The following TCEA2 variants were observed in gnomAD, a reference collection of about 807,000 sequenced individuals.
TCEA2 encodes the protein transcription elongation factor A protein 2.
TCEA2 carries 21 observed loss-of-function variants against 40.8 expected under a neutral mutation model. The observed-to-expected ratio is 0.51, with a 90% confidence interval of 0.36 to 0.74. The LOEUF is 0.74. Ranked by LOEUF, TCEA2 falls within the 30% of genes least tolerant of loss-of-function variation. TCEA2 has a pLI of 0.00. For missense variants in TCEA2, 326 were observed against 426.5 expected (o/e 0.76, Z 2.08); for synonymous variants, 165 against 162.7 (o/e 1.01, Z -0.11).
intron 8 of TCEA2, among the ~76,000 whole-genome samples, chr20:64,071,382 G>A (rs1425538889): frequency 1.3e-5 from 2 of 151,946 alleles, no homozygotes; most frequent in Non-Finnish European, 2.9e-5. Context: ...GTGTCGAGGC[G>A]GCCGCTGCAC....
Position 64,070,225 on chromosome 20 carries a change from C to T in TCEA2, c.518-35C>T. The T allele has an allele frequency of 3.1e-6, 5 of 1,609,494 alleles. No homozygotes were observed. The South Asian group carries it at 3.3e-5, about 11-fold the overall frequency. On this transcript the variant is annotated intron_variant, in intron 6 of 9. Coordinates refer to ENST00000343484, the MANE Select transcript of TCEA2 (RefSeq NM_003195.6). Reference sequence around the variant, plus strand: ...GCAGGTGGTAGGTGGAGGGCAGCGACGTTGTCCTCAGGTGGGTCCTTAAAA... The same window carrying T: ...GCAGGTGGTAGGTGGAGGGCAGCGATGTTGTCCTCAGGTGGGTCCTTAAAA...
chr20:64,067,406 G>A (rs1243126295), intron 3 of TCEA2, among the ~76,000 whole-genome samples: 1 of 152,194 alleles, frequency 6.6e-6, no homozygotes, highest in Non-Finnish European at 1.5e-5. Context: ...GGAAGCGGGA[G>A]GGAGAAGGCA....
chr20:64,072,101 C>G lies in TCEA2; in HGVS notation c.892-71C>G. 2.5e-6 allele frequency: 4 copies of G among 1,604,898 alleles called. No individual in the cohort carries two copies. In the South Asian group the frequency reaches 3.3e-5, roughly 13 times the overall value. On this transcript the variant is annotated intron_variant, in intron 9 of 9. Coordinates refer to ENST00000343484, the MANE Select transcript of TCEA2 (RefSeq NM_003195.6). ...GGTGGAGAGCCCAGCCTTGGGTGAG[C>G]CTGTGCGGCCTTCCACTCTGGGGGA...
Position 64,072,291 on chromosome 20 carries a change from G to C in TCEA2, c.*111G>C. The C allele has an allele frequency of 8.3e-7, 1 of 1,200,154 alleles. No individual in the cohort carries two copies. The highest frequency in any genetic ancestry group is 1.2e-6 in the Non-Finnish European group (1 of 838,002). 74.3% of individuals were successfully genotyped at this position (1,200,154 alleles called of 1,614,324 possible). A position where few individuals can be genotyped will look rare whatever the true frequency, so the allele number is the denominator to read the frequency against. On this transcript the variant is annotated 3_prime_UTR_variant, in exon 10 of 10. Transcript: ENST00000343484. ...GGCATGTCCTGCCCTCAACCTGCCT[G>C]CCTGGATTGCACCTTTCTGCCCTTT...
upstream of TCEA2, among the ~76,000 whole-genome samples, chr20:64,061,476 C>G (rs538035069): frequency 6.6e-6 from 1 of 152,138 alleles, no homozygotes; most frequent in Non-Finnish European, 1.5e-5. Context: ...GGGGTTTCAC[C>G]GTGTTAGCCA....
intron 1 of TCEA2, 32 bp from the exon 2 acceptor site, chr20:64,066,444 G>A (rs1392216840): frequency 1.9e-6 from 3 of 1,610,872 alleles, no homozygotes; most frequent in South Asian, 2.2e-5. Flanking sequence ...GAGATCTAAA[G>A]TCCTTTATGA....
upstream of TCEA2, chr20:64,063,046 T>C (rs1048763812): frequency 1.2e-5 from 3 of 242,102 alleles, no homozygotes; most frequent in African/African-American, 6.8e-5. Flanking sequence ...AGGACTACAC[T>C]TCCCAGGAGG....
intron 1 of TCEA2, among the ~76,000 whole-genome samples, chr20:64,065,376 G>A (rs886757140): frequency 6.6e-6 from 1 of 152,230 alleles, no homozygotes; most frequent in South Asian, 2.1e-4. Context: ...CCTGTGGGTC[G>A]TGGGACTCTG....
At chr20:64,057,221 G>C (rs973062312), upstream of TCEA2, 1 of 152,264 alleles carries the variant, frequency 6.6e-6, no homozygotes, top group Admixed American at 6.5e-5. Flanking sequence ...GTGAGTGAAC[G>C]TCCCTCTCCT....
chr20:64,055,904 C>A (rs2059468355), upstream of TCEA2, among the ~76,000 whole-genome samples: 1 of 152,084 alleles, frequency 6.6e-6, no homozygotes, highest in African/African-American at 2.4e-5. The surrounding 1 kb of genome is among the most constrained non-coding windows in gnomAD (Gnocchi z 4.0). Context: ...CTCAGGGAAC[C>A]CTGGTTTTGC....
At chr20:64,069,613 G>A in intron 5 of TCEA2, 122 bp downstream of exon 5, 1 of 1,538,974 alleles carries the variant, frequency 6.5e-7, no homozygotes, top group South Asian at 1.2e-5. Flanking sequence ...CCATTGCTGT[G>A]GCCCTGGCAG....
At chr20:64,066,155 T>G in intron 1 of TCEA2, 1 of 243,056 alleles carries the variant, frequency 4.1e-6, no homozygotes. Flanking sequence ...GGCATTTCTG[T>G]TCTGGTTTGG....
upstream of TCEA2, among the ~76,000 whole-genome samples, chr20:64,059,470 C>T (rs1316434295): frequency 6.6e-6 from 1 of 152,172 alleles, no homozygotes; most frequent in Non-Finnish European, 1.5e-5. Context: ...GACCACATCC[C>T]TCTCCCTCCC....
rs201101309 is a variant in TCEA2 at position 64,070,587 on chromosome 20, C to T, written c.771C>T (p.Asp257=). 1.9e-6 allele frequency: 3 copies of T among 1,613,140 alleles called. No homozygotes were observed. Among genetic ancestry groups the T allele is most frequent in the Non-Finnish European group, 2.5e-6 (3 of 1,179,722 alleles). ...CCCGCACTGGCGGCACGCAGACAGA[C>T]CTGTTCACCTGCGGCAAGTGCAGGA... ...QMARTGGTQT[D]LFTCGKCRKK... is the part of the protein sequence containing the mutation. Residue 257 remains aspartate (D), a synonymous_variant, in exon 8 of 10, where the codon GAC becomes GAT. Coordinates refer to ENST00000343484, the MANE Select transcript of TCEA2 (RefSeq NM_003195.6).
Position 64,070,355 on chromosome 20 carries a change from C to A in TCEA2, c.613C>A (p.Arg205=), listed in dbSNP as rs371883526. 2.0e-5 allele frequency: 32 copies of A among 1,614,214 alleles called. No individual in the cohort carries two copies. Among genetic ancestry groups the A allele is most frequent in the Non-Finnish European group, 2.3e-5 (27 of 1,180,036 alleles). ...GAAGGATGCCAAGAACCCTGACCTG[C>A]GGCGGAATGTGCTGTGTGGGGCCAT... is the stretch of plus-strand genomic sequence containing the variant. ...NLKDAKNPDL[R]RNVLCGAITP... Residue 205 remains arginine, a synonymous_variant, in exon 7 of 10, where the codon CGG becomes AGG. Coordinates refer to ENST00000343484, the MANE Select transcript of TCEA2 (RefSeq NM_003195.6).
At chr20:64,066,883 G>A (rs2059706359) in intron 2 of TCEA2, 32 bp from the exon 3 acceptor site, 2 of 1,604,290 alleles carry the variant, frequency 1.2e-6, no homozygotes, top group East Asian at 2.2e-5. Context: ...GTGGGCCCCT[G>A]CCTCCCCCAA....
rs529128382 is a variant in TCEA2 at position 64,068,860 on chromosome 20, G to A, written c.330-501G>A. 2.6e-5 allele frequency among the ~76,000 whole-genome samples: 4 copies of A among 152,256 alleles called. No homozygotes were observed. The East Asian group carries it at 7.7e-4, about 29-fold the overall frequency. On this transcript the variant is annotated intron_variant, in intron 4 of 9. Transcript: ENST00000343484. ...CTGAGGGGCATCCTTCTCCCATTCTGTACGTGCCCAGGGGTGTCGTCTGTG... is the reference window on the plus strand; with the variant it reads ...CTGAGGGGCATCCTTCTCCCATTCTATACGTGCCCAGGGGTGTCGTCTGTG...
At chr20:64,061,367 C>T (rs2059562362), upstream of TCEA2, among the ~76,000 whole-genome samples, 1 of 152,042 alleles carries the variant, frequency 6.6e-6, no homozygotes, top group African/African-American at 2.4e-5. Flanking sequence ...GCTCCGCCTC[C>T]TGGGTTCATG....
At position 64,069,621 on chromosome 20, in the gene TCEA2, CAGGG is replaced by C. The variant is rs1256021443; in HGVS notation, c.460+131_460+134del. The C allele has an allele frequency of 3.3e-6, 5 of 1,533,922 alleles. No individual in the cohort carries two copies. In the African/African-American group the frequency reaches 6.8e-5, roughly 21 times the overall value. On this transcript the variant is annotated intron_variant, in intron 5 of 9. Transcript: ENST00000343484. ...CCCCAGCCCATTGCTGTGGCCCTGG[CAGGG>C]GCTAGGGGCCTGTGCCTGGATCGTG... is the stretch of plus-strand genomic sequence containing the variant.
Sources: gnomAD v4.1 joint callset for allele counts (sites outside exome capture counted in the v4.1 genomes callset) on GRCh38, gnomAD v4.1.1 for gene constraint, Gnocchi (gnomAD v3.1) non-coding constraint, MANE v1.5 for transcripts, NCBI Gene and HGNC (gene_info 2026-07-23, HGNC 2026-07-21) for gene names.